Variants in RMI1 observed in about 807,000 individuals in gnomAD.
RMI1 encodes the protein RecQ mediated genome instability 1, also known as recQ-mediated genome instability protein 1.
A neutral mutation model predicts 46.7 loss-of-function variants in RMI1; 36 were observed. The observed-to-expected ratio is 0.77, with a 90% CI of 0.59 to 1.02. The LOEUF (loss-of-function observed/expected upper bound fraction) is 1.02, where lower values mean the gene tolerates loss of function less well. RMI1 is among the 50% of genes least tolerant of loss of function. RMI1 has a pLI of 0.00. For synonymous variants in RMI1, 250 were observed against 252.9 expected (o/e 0.99, Z 0.11); for missense variants, 676 against 713.7 (o/e 0.95, Z 0.60).
intron 1 of RMI1, among the ~76,000 whole-genome samples, chr9:83,999,495 A>G (rs1318997037): frequency 6.6e-6 from 1 of 152,168 alleles, no homozygotes; most frequent in Non-Finnish European, 1.5e-5. Context: ...AACATCAAAT[A>G]CTATACCTCC....
chr9:84,002,669 G>C lies in RMI1; in HGVS notation c.1683G>C (p.Met561Ile). The change falls in exon 3 of 3, where the codon ATG becomes ATC. Residue 561 changes from methionine to isoleucine, a missense_variant. Met to Ile is a conservative substitution (Grantham distance 10). Coordinates refer to ENST00000445877, the MANE Select transcript of RMI1 (RefSeq NM_001358291.2). ...TGATAGGGTTCTCAGTACCAGAAAT[G>C]AAACAGTCAAAAAAGGATCCTCTTC... Reference protein sequence around the residue: ...TSLIGFSVPEMKQSKKDPLQY... With the variant: ...TSLIGFSVPEIKQSKKDPLQY... The C allele has an allele frequency of 6.2e-7, 1 of 1,613,750 alleles. No homozygotes were observed. The highest frequency in any genetic ancestry group is 8.5e-7 in the Non-Finnish European group (1 of 1,179,856).
At position 83,991,106 on chromosome 9, in the gene RMI1, C is replaced by T. The variant is rs562957726; in HGVS notation, c.-125-8603C>T. Among the ~76,000 whole-genome samples, 3 of 152,194 alleles carry T rather than the reference C, an allele frequency of 2.0e-5. No homozygotes were observed. The East Asian group carries it at 5.8e-4, about 29-fold the overall frequency. ...ATAGGCCTGAGCTACTGCGCCTGGACGATATTTGTTTTCTTACTGAATTTT... is the reference window on the plus strand; with the variant it reads ...ATAGGCCTGAGCTACTGCGCCTGGATGATATTTGTTTTCTTACTGAATTTT... On this transcript the variant is annotated intron_variant, in intron 1 of 2. Transcript: ENST00000445877.
chr9:83,997,758 A>T (rs1055733201), intron 1 of RMI1, among the ~76,000 whole-genome samples: 1 of 151,870 alleles, frequency 6.6e-6, no homozygotes, highest in Non-Finnish European at 1.5e-5. Flanking sequence ...GACCCAAACC[A>T]TATCACCTAT....
Position 83,999,689 on chromosome 9 carries a change from C to CT in RMI1, c.-125-15dup, listed in dbSNP as rs1461606208. On this transcript the variant is annotated intron_variant, in intron 1 of 2. Coordinates refer to ENST00000445877, the MANE Select transcript of RMI1 (RefSeq NM_001358291.2). ...CAACTTCATCTTATAACTCTTACTG[C>CT]TTTTTGTCTTATCTCCCAGGGCCAT... The CT allele has an allele frequency of 2.0e-5, 3 of 152,180 alleles. No homozygotes were observed. Among genetic ancestry groups the CT allele is most frequent in the Non-Finnish European group, 4.4e-5 (3 of 68,040 alleles). 9.4% of individuals were successfully genotyped at this position (152,180 alleles called of 1,614,324 possible). A position where few individuals can be genotyped will look rare whatever the true frequency, so the allele number is the denominator to read the frequency against.
In RMI1 at chr9:84,000,871, T is replaced by C. The variant is rs12235653; in HGVS notation, c.-36-80T>C. Reference sequence around the variant, plus strand: ...GAGTGAAAAATCTAAAGGGTGTGCCTGTCTGTGCATTGTAGAGAATTACAG... The same window carrying C: ...GAGTGAAAAATCTAAAGGGTGTGCCCGTCTGTGCATTGTAGAGAATTACAG... On this transcript the variant is annotated intron_variant, in intron 2 of 2. Coordinates refer to ENST00000445877, the MANE Select transcript of RMI1 (RefSeq NM_001358291.2). The C allele has an allele frequency of 7.9e-3, 5,671 of 715,918 alleles. 138 individuals carry two copies. The highest frequency in any genetic ancestry group is 0.03 in the East Asian group (1,124 of 37,386). The allele number at this position is 715,918 out of a possible 1,614,324, so 44.3% of individuals were successfully genotyped here.
chr9:84,000,962 A>G lies in RMI1; in HGVS notation c.-25A>G, dbSNP rs762060414. 9.9e-5 allele frequency: 151 copies of G among 1,529,522 alleles called. No homozygotes were observed. Among genetic ancestry groups the G allele is most frequent in the Non-Finnish European group, 1.3e-4 (148 of 1,135,608 alleles). 94.7% of individuals were successfully genotyped at this position (1,529,522 alleles called of 1,614,324 possible). A position where few individuals can be genotyped will look rare whatever the true frequency, so the allele number is the denominator to read the frequency against. ...TTTTTTGTTTTCAGGTAATAGATGC[A>G]TATTATTTCTTTTATTTAAAAGAAA... On this transcript the variant is annotated 5_prime_UTR_variant, in exon 3 of 3. Transcript: ENST00000445877.
upstream of RMI1, chr9:83,980,369 A>C (rs1454435183): frequency 6.6e-6 from 1 of 152,520 alleles, no homozygotes; most frequent in African/African-American, 2.4e-5. Flanking sequence ...GCCTCCCGCC[A>C]GCGCCTCCCT....
intron 1 of RMI1, among the ~76,000 whole-genome samples, chr9:83,988,013 G>T (rs1161106536): frequency 6.6e-6 from 1 of 151,940 alleles, no homozygotes; most frequent in African/African-American, 2.4e-5. Flanking sequence ...TGCCTCCTGG[G>T]TAGCTAGGAC....
intron 1 of RMI1, among the ~76,000 whole-genome samples, chr9:83,985,904 G>A (rs1217447312): frequency 6.6e-6 from 1 of 152,176 alleles, no homozygotes; most frequent in Non-Finnish European, 1.5e-5. Context: ...AGCTACTTGG[G>A]AGGCTGAGGC....
chr9:83,982,710 G>GT (rs1360197939), intron 1 of RMI1, among the ~76,000 whole-genome samples: 15 of 151,848 alleles, frequency 9.9e-5, no homozygotes, highest in African/African-American at 3.6e-4. Context: ...CTTCCTCCCA[G>GT]TTTCATTGTC....
chr9:84,001,024 G>C lies in RMI1; in HGVS notation c.38G>C (p.Trp13Ser). 1 of 1,612,628 alleles carries C rather than the reference G, an allele frequency of 6.2e-7. No individual in the cohort carries two copies. The highest frequency in any genetic ancestry group is 8.5e-7 in the Non-Finnish European group (1 of 1,179,308). ...VTSIALRAET[W>S]LLAAWHVKVP... ...AGTATTGCATTAAGAGCTGAAACTT[G>C]GCTTTTAGCTGCATGGCATGTTAAA... Residue 13 changes from tryptophan (W) to serine (S), a missense_variant, in exon 3 of 3, where the codon TGG (tryptophan) becomes TCG (serine). By Grantham distance (177) the Trp-to-Ser change is radical (BLOSUM62 -3). Transcript: ENST00000445877.
intron 1 of RMI1, among the ~76,000 whole-genome samples, chr9:83,982,854 A>T (rs1957439703): frequency 6.6e-6 from 1 of 152,138 alleles, no homozygotes; most frequent in South Asian, 2.1e-4. Context: ...AATAACAGGA[A>T]AGTCTTTTTT....
chr9:83,988,504 G>A (rs554941490), intron 1 of RMI1, among the ~76,000 whole-genome samples: 49 of 152,152 alleles, frequency 3.2e-4, no homozygotes, highest in African/African-American at 1.1e-3. Context: ...GAGTTTTGCT[G>A]TGTTGCTCAG....
At chr9:83,995,755 G>A (rs185981671) in intron 1 of RMI1, among the ~76,000 whole-genome samples, 1 of 152,226 alleles carries the variant, frequency 6.6e-6, no homozygotes, top group East Asian at 1.9e-4. Context: ...TCTTTATACC[G>A]TGTTCTAGGT....
rs760778224 is a variant in RMI1 at position 84,001,657 on chromosome 9, A to G, written c.671A>G (p.Asn224Ser). 5.6e-6 allele frequency: 9 copies of G among 1,613,952 alleles called. No individual in the cohort carries two copies. In the East Asian group the frequency reaches 8.9e-5, roughly 16 times the overall value. ...PDLVVSVIPN[N>S]SNENIPRVTD... ...CTTGTAGTTTCAGTCATACCAAACA[A>G]TTCTAACGAAAACATTCCCAGAGTT... Residue 224 changes from asparagine to serine, a missense_variant, in exon 3 of 3, where the codon AAT becomes AGT. By Grantham distance (46) the Asn-to-Ser change is conservative. Coordinates refer to ENST00000445877, the MANE Select transcript of RMI1 (RefSeq NM_001358291.2).
intron 1 of RMI1, among the ~76,000 whole-genome samples, chr9:83,996,230 C>G (rs1395686513): frequency 3.3e-5 from 5 of 152,218 alleles, no homozygotes; most frequent in Non-Finnish European, 4.4e-5. Context: ...TAGCCCAGTT[C>G]TGGACCACAC....
chr9:83,992,639 G>C (rs918118038), intron 1 of RMI1, among the ~76,000 whole-genome samples: 1 of 152,138 alleles, frequency 6.6e-6, no homozygotes, highest in African/African-American at 2.4e-5. Flanking sequence ...GAATGACCAC[G>C]AGAGTGCAGT....
intron 1 of RMI1, among the ~76,000 whole-genome samples, chr9:83,998,366 A>G (rs1388495117): frequency 1.3e-5 from 2 of 152,218 alleles, no homozygotes; most frequent in Non-Finnish European, 2.9e-5. Flanking sequence ...CATTAAATTA[A>G]ATTAATAATG....
chr9:83,997,267 ACACCC>A (rs1957671224), intron 1 of RMI1, among the ~76,000 whole-genome samples: 1 of 151,622 alleles, frequency 6.6e-6, no homozygotes, highest in Non-Finnish European at 1.5e-5. Context: ...ATGCGCCACC[ACACCC>A]AGCTAATTTT....
Sources: allele counts gnomAD v4.1 joint callset (sites outside exome capture counted in the v4.1 genomes callset), GRCh38; gene constraint gnomAD v4.1.1; transcripts MANE v1.5; gene names NCBI Gene and HGNC (gene_info 2026-07-23, HGNC 2026-07-21).